Variants in ST7 observed in about 807,000 individuals in gnomAD.
The protein encoded by ST7 is suppressor of tumorigenicity 7 protein.
A neutral mutation model predicts 78.7 loss-of-function variants in ST7; 28 were observed. That is an observed-to-expected ratio of 0.36 (90% CI 0.26 to 0.49). The LOEUF is 0.49. Among genes scored for constraint, ST7 ranks in the 20% least tolerant of loss-of-function variants. The pLI is 0.99. For missense variants in ST7, 418 were observed against 696.0 expected, an observed-to-expected ratio of 0.60 and a Z score of 4.49; for synonymous variants, 247 against 249.6, an observed-to-expected ratio of 0.99 and a Z score of 0.10.
chr7:117,063,417 A>C (rs1258889594), intron 1 of ST7, among the ~76,000 whole-genome samples: 1 of 152,220 alleles, frequency 6.6e-6, no homozygotes. Flanking sequence ...GTTTGTATAA[A>C]GTATTTCAGG....
chr7:117,132,011 A>C, intron 6 of ST7, 51 bp downstream of exon 6: 1 of 1,525,880 alleles, frequency 6.6e-7, no homozygotes, highest in Non-Finnish European at 9.1e-7. Flanking sequence ...TCCTTTGCTG[A>C]ATATATTCAG....
At chr7:116,968,007 A>C (rs1020692440) in intron 1 of ST7, among the ~76,000 whole-genome samples, 2 of 152,190 alleles carry the variant, frequency 1.3e-5, no homozygotes, top group Admixed American at 1.3e-4. Flanking sequence ...CTAAATGAAT[A>C]AGCTTATATT....
chr7:117,082,636 T>G (rs1799869609), intron 1 of ST7, among the ~76,000 whole-genome samples: 2 of 152,222 alleles, frequency 1.3e-5, no homozygotes, highest in South Asian at 4.1e-4. Context: ...TCTTCTGCCA[T>G]TAGAAGGACT....
chr7:116,963,370 T>C (rs951345328), intron 1 of ST7, among the ~76,000 whole-genome samples: 8 of 152,190 alleles, frequency 5.3e-5, no homozygotes, highest in Non-Finnish European at 1.2e-4. Context: ...TGTGTTACCA[T>C]TACCCATCAT....
intron 1 of ST7, among the ~76,000 whole-genome samples, chr7:117,039,469 G>C (rs1797090182): frequency 1.3e-5 from 2 of 152,032 alleles, no homozygotes; most frequent in African/African-American, 4.8e-5. Context: ...AGCCACTCAG[G>C]AGGCTGAGGT....
intron 1 of ST7, among the ~76,000 whole-genome samples, chr7:117,041,554 G>A (rs2116292928): frequency 6.6e-6 from 1 of 152,174 alleles, no homozygotes; most frequent in East Asian, 1.9e-4. Flanking sequence ...TTTCCCATTT[G>A]CTTTATTACT....
chr7:117,095,326 A>C (rs1335812259), intron 1 of ST7, among the ~76,000 whole-genome samples: 1 of 152,098 alleles, frequency 6.6e-6, no homozygotes, highest in Non-Finnish European at 1.5e-5. Flanking sequence ...TTCCCTGCTC[A>C]CTGGGGTGAT....
intron 1 of ST7, among the ~76,000 whole-genome samples, chr7:117,075,466 T>A (rs2116553925): frequency 6.6e-6 from 1 of 152,324 alleles, no homozygotes; most frequent in Admixed American, 6.5e-5. Flanking sequence ...ATATTTGGAC[T>A]AATTGGAAGA....
At chr7:117,147,876 A>G (rs1455675159) in intron 9 of ST7, among the ~76,000 whole-genome samples, 2 of 150,594 alleles carry the variant, frequency 1.3e-5, no homozygotes, top group African/African-American at 2.4e-5. Flanking sequence ...TTTTTTCTTT[A>G]CATTATGCTT....
In ST7 at chr7:117,209,950, CT is replaced by C; in HGVS notation, c.1405+20del. On this transcript the variant is annotated intron_variant, in intron 13 of 15. Transcript: ENST00000323984. Reference sequence around the variant, plus strand: ...ACGTGGGAAGGCAGTAAGTAATTTTCTTTTTTTGAAACATTTTTAAGAGCAT... The same window carrying C: ...ACGTGGGAAGGCAGTAAGTAATTTTCTTTTTTGAAACATTTTTAAGAGCAT... The C allele has an allele frequency of 1.2e-6, 2 of 1,601,564 alleles. No homozygotes were observed. The highest frequency in any genetic ancestry group is 1.1e-5 in the South Asian group (1 of 89,188).
intron 1 of ST7, among the ~76,000 whole-genome samples, chr7:116,976,628 C>A (rs1793718624): frequency 6.6e-6 from 1 of 152,214 alleles, no homozygotes; most frequent in Non-Finnish European, 1.5e-5. Context: ...CAGCTTGTCA[C>A]AAGGCCAAGC....
intron 9 of ST7, among the ~76,000 whole-genome samples, chr7:117,140,454 T>G (rs1043035319): frequency 6.6e-6 from 1 of 152,164 alleles, no homozygotes; most frequent in African/African-American, 2.4e-5. Flanking sequence ...GAGAATTAAA[T>G]AAGATAATGT....
intron 1 of ST7, among the ~76,000 whole-genome samples, chr7:117,071,872 T>C (rs1484897667): frequency 6.6e-6 from 1 of 152,234 alleles, no homozygotes; most frequent in Non-Finnish European, 1.5e-5. Flanking sequence ...TTTTCCACTT[T>C]AGAGAAACCA....
At chr7:117,194,340 G>T (rs1000823806) in intron 12 of ST7, among the ~76,000 whole-genome samples, 1 of 152,070 alleles carries the variant, frequency 6.6e-6, no homozygotes, top group Non-Finnish European at 1.5e-5. Flanking sequence ...ATAACTATTT[G>T]TTCATCATTC....
chr7:117,025,085 C>T (rs1796120861), intron 1 of ST7, among the ~76,000 whole-genome samples: 1 of 152,088 alleles, frequency 6.6e-6, no homozygotes, highest in African/African-American at 2.4e-5. Context: ...CATCAAGATA[C>T]TGTAGTTAAA....
chr7:117,004,914 A>G (rs1795095987), intron 1 of ST7, among the ~76,000 whole-genome samples: 1 of 152,170 alleles, frequency 6.6e-6, no homozygotes, highest in African/African-American at 2.4e-5. Flanking sequence ...ATTCAAGTGG[A>G]ATTAGGAGTA....
At chr7:117,104,830 G>A (rs1801832024) in intron 2 of ST7, among the ~76,000 whole-genome samples, 1 of 152,158 alleles carries the variant, frequency 6.6e-6, no homozygotes, top group Admixed American at 6.5e-5. Flanking sequence ...CTGACAAATG[G>A]CAGATTAATA....
chr7:116,979,697 C>T (rs1793860663), intron 1 of ST7, among the ~76,000 whole-genome samples: 1 of 152,092 alleles, frequency 6.6e-6, no homozygotes. Flanking sequence ...GGTCTTCCTG[C>T]CTCTAATCTC....
At chr7:116,974,898 C>T (rs1159711350) in intron 1 of ST7, among the ~76,000 whole-genome samples, 1 of 152,218 alleles carries the variant, frequency 6.6e-6, no homozygotes, top group East Asian at 1.9e-4. Flanking sequence ...CCTGCAAGTG[C>T]AGGTTCAGTA....
Sources: gnomAD v4.1 joint callset for allele counts (sites outside exome capture counted in the v4.1 genomes callset) on GRCh38, gnomAD v4.1.1 for gene constraint, MANE v1.5 for transcripts, NCBI Gene and HGNC (gene_info 2026-07-23, HGNC 2026-07-21) for gene names.